Variants in SIN3B observed in about 807,000 individuals in gnomAD.
SIN3B encodes paired amphipathic helix protein Sin3b.
In SIN3B, 19 loss-of-function variants were observed where a neutral mutation model predicts 120.2. That is an observed-to-expected ratio of 0.16 (90% CI 0.11 to 0.23). The LOEUF is 0.23. SIN3B is among the 10% of genes least tolerant of loss of function. The pLI is 1.00. For missense variants in SIN3B, 1,073 were observed against 1,573.0 expected, an observed-to-expected ratio of 0.68 and a Z score of 5.38; for synonymous variants, 654 against 653.2, an observed-to-expected ratio of 1.00 and a Z score of -0.02.
At chr19:16,830,380 C>T (rs942837941) in intron 2 of SIN3B, among the ~76,000 whole-genome samples, 1 of 152,116 alleles carries the variant, frequency 6.6e-6, no homozygotes, top group Non-Finnish European at 1.5e-5. Flanking sequence ...GCATAAAATG[C>T]TTAGTAAGGG....
chr19:16,878,671 G>A lies in SIN3B; in HGVS notation c.3337G>A (p.Gly1113Ser), dbSNP rs1172989901. Residue 1113 changes from glycine to serine, a missense_variant, in exon 19 of 19, where the codon GGC becomes AGC. By Grantham distance (56) the Gly-to-Ser change is moderately conservative (BLOSUM62 0). This residue lies in a region of SIN3B where 311 missense variants were observed against 400.3 expected (regional missense o/e 0.78). Transcript: ENST00000248054. The stretch of plus-strand genomic sequence containing the variant: ...GCTGTGTGAGACAGTGCACGTGCAC[G>A]GCCTGCCCGTGACCCGCTACCGCGT... ...KTLCETVHVH[G>S]LPVTRYRVQY... 6.2e-6 allele frequency: 10 copies of A among 1,612,850 alleles called. No individual in the cohort carries two copies. Among genetic ancestry groups the A allele is most frequent in the South Asian group, 3.3e-5 (3 of 91,020 alleles).
intron 5 of SIN3B, among the ~76,000 whole-genome samples, chr19:16,850,834 A>C (rs1971534798): frequency 6.6e-6 from 1 of 152,090 alleles, no homozygotes; most frequent in Admixed American, 6.5e-5. Context: ...AGCATCCTCG[A>C]CCTGTTAGCC....
chr19:16,850,960 AC>A (rs1233701331), intron 5 of SIN3B, among the ~76,000 whole-genome samples: 1 of 122,570 alleles, frequency 8.2e-6, no homozygotes, highest in Non-Finnish European at 1.9e-5. Flanking sequence ...AGACTTCAAA[AC>A]CTGGCCCCAA....
At chr19:16,842,856 A>G (rs1409752999) in intron 4 of SIN3B, among the ~76,000 whole-genome samples, 2 of 152,288 alleles carry the variant, frequency 1.3e-5, no homozygotes, top group South Asian at 2.1e-4. Flanking sequence ...ATCTTGACAT[A>G]TCAGTCGGAA....
rs986883859 is a variant in SIN3B at position 16,876,328 on chromosome 19, C to G, written c.2766+100C>G. 7.0e-7 allele frequency: 1 copy of G among 1,437,810 alleles called. No individual in the cohort carries two copies. 89.1% of individuals were successfully genotyped at this position (1,437,810 alleles called of 1,614,324 possible). ...GGACCCTGGTTCAGCGGCTGGGACA[C>G]CGGCCCTGCTGCAGAGCCCATGAGG... On this transcript the variant is annotated intron_variant, in intron 15 of 18. Coordinates refer to ENST00000248054, the MANE Select transcript of SIN3B (RefSeq NM_001297595.2). This position sits in a 1 kb window ranked among gnomAD's most constrained non-coding sequence, Gnocchi z 7.1.
chr19:16,838,998 G>T, intron 3 of SIN3B, among the ~76,000 whole-genome samples: 1 of 146,294 alleles, frequency 6.8e-6, no homozygotes, highest in Non-Finnish European at 1.5e-5. Flanking sequence ...TTTGAGATGG[G>T]GTTTTGCTTT....
chr19:16,833,347 T>C (rs2144572212), intron 3 of SIN3B, among the ~76,000 whole-genome samples: 1 of 152,250 alleles, frequency 6.6e-6, no homozygotes, highest in African/African-American at 2.4e-5. Context: ...ATTCTGCTGC[T>C]TCTCGGCCAG....
intron 11 of SIN3B, 104 bp downstream of exon 11, chr19:16,865,752 G>A (rs2144614760): frequency 6.5e-6 from 5 of 774,892 alleles, no homozygotes; most frequent in East Asian, 2.8e-5. Context: ...GAGCTCATTA[G>A]TGCTGTTTGT....
At chr19:16,878,001 G>A (rs1229180711) in intron 17 of SIN3B, among the ~76,000 whole-genome samples, 182 bp from the exon 18 acceptor site, 2 of 152,270 alleles carry the variant, frequency 1.3e-5, no homozygotes, top group African/African-American at 4.8e-5. Flanking sequence ...TATGGGACCA[G>A]TGGGGGCTGC....
chr19:16,859,842 G>T (rs547531040), intron 8 of SIN3B, among the ~76,000 whole-genome samples: 1 of 151,984 alleles, frequency 6.6e-6, no homozygotes, highest in Admixed American at 6.6e-5. Flanking sequence ...GGCTGTGTGT[G>T]GAGCTGGTGT....
chr19:16,847,387 C>G (rs1326486191), intron 5 of SIN3B, among the ~76,000 whole-genome samples: 1 of 152,184 alleles, frequency 6.6e-6, no homozygotes, highest in Non-Finnish European at 1.5e-5. Context: ...CCAGTGGAGA[C>G]TATGGGCCCA....
intron 3 of SIN3B, among the ~76,000 whole-genome samples, chr19:16,838,991 G>C: frequency 4.1e-5 from 1 of 24,388 alleles, no homozygotes; most frequent in East Asian, 1.1e-3. Context: ...TTTTTTTTTT[G>C]AGATGGGGTT....
In SIN3B at chr19:16,862,924, A is replaced by C. The variant is rs762650758; in HGVS notation, c.1266+365A>C. On this transcript the variant is annotated intron_variant, in intron 9 of 18. Transcript: ENST00000248054. The surrounding 1 kb of genome is among the most constrained non-coding windows in gnomAD (Gnocchi z 4.7). ...CTTCTCCAGGGTTCGTGGACAGACG[A>C]TTACTGCATGTCCAAGTTCAAGAAT... 1 of 1,614,238 alleles carries C rather than the reference A, an allele frequency of 6.2e-7. No individual in the cohort carries two copies. Among genetic ancestry groups the C allele is most frequent in the East Asian group, 2.2e-5 (1 of 44,888 alleles).
In SIN3B at chr19:16,846,979, C is replaced by T; in HGVS notation, c.592C>T (p.Leu198=). The T allele has an allele frequency of 6.2e-7, 1 of 1,613,888 alleles. No individual in the cohort carries two copies. Among genetic ancestry groups the T allele is most frequent in the Non-Finnish European group, 8.5e-7 (1 of 1,179,768 alleles). Residue 198 remains leucine, a synonymous_variant, in exon 5 of 19, where the codon CTG becomes TTG. Transcript: ENST00000248054. Reference sequence around the variant, plus strand: ...TCCTGAAAACTGGCAGAAGGAGCAGCTGAACACGAGGGGCCGGCCATTCCG... The same window carrying T: ...TCCTGAAAACTGGCAGAAGGAGCAGTTGAACACGAGGGGCCGGCCATTCCG... ...EILHTYQKEQ[L]NTRGRPFRGM...
At chr19:16,861,364 C>T (rs551391503) in intron 8 of SIN3B, among the ~76,000 whole-genome samples, 27 of 152,236 alleles carry the variant, frequency 1.8e-4, no homozygotes, top group African/African-American at 6.0e-4. Flanking sequence ...TGGTGGCTCA[C>T]GCCTGTCACC....
At position 16,878,738 on chromosome 19, in the gene SIN3B, T is replaced by A; in HGVS notation, c.*11T>A. 1 of 1,585,410 alleles carries A rather than the reference T, an allele frequency of 6.3e-7. No homozygotes were observed. The highest frequency in any genetic ancestry group is 8.5e-7 in the Non-Finnish European group (1 of 1,169,798). On this transcript the variant is annotated 3_prime_UTR_variant, in exon 19 of 19. Transcript: ENST00000248054. ...CCGGCCTCGCCCTGACCCGCCCTCATGGGCACCGGGCAGGCGCCTCACAGA... is the reference window on the plus strand; with the variant it reads ...CCGGCCTCGCCCTGACCCGCCCTCAAGGGCACCGGGCAGGCGCCTCACAGA...
intron 14 of SIN3B, among the ~76,000 whole-genome samples, chr19:16,875,768 GTCTGTTTGGT>G (rs1462299292): frequency 2.1e-5 from 3 of 146,230 alleles, no homozygotes; most frequent in Non-Finnish European, 4.5e-5. Context: ...GTTTGGTCTG[GTCTGTTTGGT>G]CTGGTCTGGT....
At chr19:16,851,241 A>G (rs1438178502) in intron 5 of SIN3B, among the ~76,000 whole-genome samples, 171 bp from the exon 6 acceptor site, 2 of 152,240 alleles carry the variant, frequency 1.3e-5, no homozygotes, top group Non-Finnish European at 2.9e-5. Flanking sequence ...TTACCTTGGA[A>G]TGTGAGCATC....
chr19:16,834,928 T>C (rs1971327248), intron 3 of SIN3B, among the ~76,000 whole-genome samples: 1 of 151,526 alleles, frequency 6.6e-6, no homozygotes, highest in African/African-American at 2.4e-5. Context: ...CTTTCTTTTT[T>C]TTTTTTTTTG....
Sources: allele counts gnomAD v4.1 joint callset (sites outside exome capture counted in the v4.1 genomes callset), GRCh38; gene constraint gnomAD v4.1.1; regional missense constraint gnomAD v4.1.1; non-coding constraint Gnocchi (gnomAD v3.1); transcripts MANE v1.5; gene names NCBI Gene and HGNC (gene_info 2026-07-23, HGNC 2026-07-21).